The following BRINP1 variants were observed in gnomAD, a reference collection of about 807,000 sequenced individuals.
The protein encoded by BRINP1 is BMP/retinoic acid-inducible neural-specific protein 1.
A neutral mutation model predicts 72.9 loss-of-function variants in BRINP1; 17 were observed. That is an observed-to-expected ratio of 0.23 (90% CI 0.16 to 0.35). The LOEUF is 0.35. Among genes scored for constraint, BRINP1 ranks in the 10% least tolerant of loss-of-function variants. The pLI is 1.00. For missense variants in BRINP1, 850 were observed against 1,001.6 expected (o/e 0.85, Z 2.04); for synonymous variants, 418 against 378.5 (o/e 1.10, Z -1.21).
At position 119,283,224 on chromosome 9, in the gene BRINP1, T is replaced by C. The variant is rs180777218; in HGVS notation, c.218+29914A>G. On this transcript the variant is annotated intron_variant, in intron 2 of 7. Transcript: ENST00000265922. Reference sequence around the variant, plus strand: ...TGGAAACAAACAGTAGTCCTCATCGTCCCTGGAACTGCAGCTTCAGCTGCC... The same window carrying C: ...TGGAAACAAACAGTAGTCCTCATCGCCCCTGGAACTGCAGCTTCAGCTGCC... 182 of 924,202 alleles carry C rather than the reference T, an allele frequency of 2.0e-4. No individual in the cohort carries two copies. The African/African-American group carries it at 2.9e-3, about 15-fold the overall frequency. 57.3% of individuals were successfully genotyped at this position (924,202 alleles called of 1,614,324 possible). A position where few individuals can be genotyped will look rare whatever the true frequency, so the allele number is the denominator to read the frequency against.
chr9:119,309,508 G>A (rs965915120), intron 2 of BRINP1, among the ~76,000 whole-genome samples: 13 of 152,150 alleles, frequency 8.5e-5, no homozygotes, highest in African/African-American at 2.9e-4. Flanking sequence ...AGGAGTTAAT[G>A]ACTAATATAT....
chr9:119,346,115 C>T (rs1452252345), intron 1 of BRINP1, among the ~76,000 whole-genome samples: 1 of 152,094 alleles, frequency 6.6e-6, no homozygotes, highest in African/African-American at 2.4e-5. Flanking sequence ...TCAAACAGTG[C>T]ATCAAACAGG....
At chr9:119,185,708 T>A (rs182161322) in intron 7 of BRINP1, among the ~76,000 whole-genome samples, 80 of 152,264 alleles carry the variant, frequency 5.3e-4, no homozygotes, top group African/African-American at 1.5e-3. Flanking sequence ...CCGGTCAGGA[T>A]TAGCTCAGAA....
intron 2 of BRINP1, among the ~76,000 whole-genome samples, chr9:119,269,012 T>G (rs1285619048): frequency 6.6e-6 from 1 of 152,244 alleles, no homozygotes; most frequent in Non-Finnish European, 1.5e-5. Context: ...CACAGCTGTG[T>G]GACTTTGCAG....
At chr9:119,321,661 G>A (rs1273858461) in intron 1 of BRINP1, among the ~76,000 whole-genome samples, 1 of 151,770 alleles carries the variant, frequency 6.6e-6, no homozygotes, top group Non-Finnish European at 1.5e-5. Flanking sequence ...TTTTTGTAGA[G>A]ACTAATTTTA....
intron 1 of BRINP1, among the ~76,000 whole-genome samples, chr9:119,339,834 T>C (rs1012597498): frequency 6.6e-6 from 1 of 152,194 alleles, no homozygotes; most frequent in African/African-American, 2.4e-5. Context: ...CCTCCTCCTT[T>C]AGAATGTAGG....
chr9:119,331,904 T>TAAAAGGTGTACTAAA (rs1266297076), intron 1 of BRINP1, among the ~76,000 whole-genome samples: 1 of 152,204 alleles, frequency 6.6e-6, no homozygotes, highest in Admixed American at 6.5e-5. Context: ...AAGAAGTGTA[T>TAAAAGGTGTACTAAA]AGGGATCTGC....
At chr9:119,250,428 C>T (rs547094436) in intron 2 of BRINP1, among the ~76,000 whole-genome samples, 3 of 152,326 alleles carry the variant, frequency 2.0e-5, no homozygotes, top group South Asian at 2.1e-4. Flanking sequence ...CGCTCTCCCT[C>T]TTACAAATTA....
At position 119,174,121 on chromosome 9, in the gene BRINP1, C is replaced by T. The variant is rs530163306; in HGVS notation, c.1146-5897G>A. ...TGAAGACAAAATTGACAAATGGGAT[C>T]TAATTAAACTAAAGAGCTTCTGCAC... On this transcript the variant is annotated intron_variant, in intron 7 of 7. Transcript: ENST00000265922. 8.2e-4 allele frequency among the ~76,000 whole-genome samples: 121 copies of T among 148,218 alleles called. 1 individual carries two copies. Among genetic ancestry groups the T allele is most frequent in the Admixed American group, 5.7e-3 (86 of 15,022 alleles).
chr9:119,223,896 AC>A (rs1029484525), intron 5 of BRINP1, among the ~76,000 whole-genome samples: 15 of 152,122 alleles, frequency 9.9e-5, no homozygotes, highest in African/African-American at 2.7e-4. Context: ...GTGCTAAAAG[AC>A]TTGGCCACTA....
At chr9:119,353,822 C>CT (rs138900910) in intron 1 of BRINP1, among the ~76,000 whole-genome samples, 427 of 30,952 alleles carry the variant, frequency 0.014, 14 homozygotes, top group Non-Finnish European at 0.016. Flanking sequence ...GTTTTGAGCA[C>CT]TTTTTTTTTT....
Position 119,167,776 on chromosome 9 carries a change from T to G in BRINP1, c.1594A>C (p.Lys532Gln), listed in dbSNP as rs1829337131. ...ATGTGGATGAAGTCCATGCGGTTCT[T>G]GTTGCTCTTGAGAGTGAGGGACATG... is the stretch of plus-strand genomic sequence containing the variant. ...KRMSLTLKSN[K>Q]NRMDFIHMVI... The change falls in exon 8 of 8, where the codon AAG becomes CAG. Residue 532 changes from lysine to glutamine, a missense_variant. Physicochemically the swap from Lys to Gln is moderately conservative, Grantham distance 53 (BLOSUM62 1). Transcript: ENST00000265922. The surrounding 1 kb of genome is among the most constrained non-coding windows in gnomAD (Gnocchi z 4.3). 1 of 1,613,854 alleles carries G rather than the reference T, an allele frequency of 6.2e-7. No individual in the cohort carries two copies. The highest frequency in any genetic ancestry group is 8.5e-7 in the Non-Finnish European group (1 of 1,180,014).
chr9:119,329,607 T>G (rs2119010801), intron 1 of BRINP1, among the ~76,000 whole-genome samples: 1 of 152,320 alleles, frequency 6.6e-6, no homozygotes, highest in East Asian at 1.9e-4. Context: ...AACTTCATGC[T>G]GCCAAGGAAC....
intron 7 of BRINP1, among the ~76,000 whole-genome samples, chr9:119,178,568 T>C (rs1412115154): frequency 6.6e-6 from 1 of 152,178 alleles, no homozygotes; most frequent in African/African-American, 2.4e-5. Flanking sequence ...CAAGGTTCAA[T>C]TGTAGGCAGT....
chr9:119,271,488 T>C (rs1332895751), intron 2 of BRINP1, among the ~76,000 whole-genome samples: 3 of 152,156 alleles, frequency 2.0e-5, no homozygotes, highest in African/African-American at 7.2e-5. Flanking sequence ...TATGTATTTA[T>C]TGTGAAATGT....
chr9:119,197,849 C>T (rs1829756578), intron 7 of BRINP1, among the ~76,000 whole-genome samples: 1 of 152,098 alleles, frequency 6.6e-6, no homozygotes, highest in Non-Finnish European at 1.5e-5. Flanking sequence ...TAAATTAAAA[C>T]TAAAATAAAT....
intron 1 of BRINP1, among the ~76,000 whole-genome samples, chr9:119,335,844 T>C (rs1213314768): frequency 6.6e-6 from 1 of 152,226 alleles, no homozygotes; most frequent in Non-Finnish European, 1.5e-5. Context: ...TCCAGCCTTC[T>C]ACCTTCAGGA....
chr9:119,249,202 GC>G, intron 2 of BRINP1, 52 bp from the exon 3 acceptor site: 1 of 1,544,832 alleles, frequency 6.5e-7, no homozygotes, highest in Non-Finnish European at 8.8e-7. Flanking sequence ...TTACCCTTAA[GC>G]CAAAGTCCAC....
chr9:119,332,388 T>C (rs548792074), intron 1 of BRINP1, among the ~76,000 whole-genome samples: 2 of 152,338 alleles, frequency 1.3e-5, no homozygotes, highest in South Asian at 2.1e-4. Flanking sequence ...ATGGGATAGT[T>C]GTGGTGGATT....
Sources: allele counts gnomAD v4.1 joint callset (sites outside exome capture counted in the v4.1 genomes callset), GRCh38; gene constraint gnomAD v4.1.1; non-coding constraint Gnocchi (gnomAD v3.1); transcripts MANE v1.5; gene names NCBI Gene and HGNC (gene_info 2026-07-23, HGNC 2026-07-21).